Variants in SPATS2 observed in about 807,000 individuals in gnomAD.
SPATS2 encodes spermatogenesis-associated serine-rich protein 2.
In SPATS2, 38 loss-of-function variants were observed where a neutral mutation model predicts 63.7. That is an observed-to-expected ratio of 0.60 (90% CI 0.46 to 0.78). SPATS2 has a LOEUF of 0.78. SPATS2 is among the 30% of genes least tolerant of loss of function. The pLI is 0.00. For missense variants in SPATS2, 588 were observed against 666.2 expected (o/e 0.88, Z 1.29); for synonymous variants, 207 against 232.9 (o/e 0.89, Z 1.01).
intron 9 of SPATS2, among the ~76,000 whole-genome samples, chr12:49,505,433 C>G (rs1946640680): frequency 6.6e-6 from 1 of 152,064 alleles, no homozygotes; most frequent in Admixed American, 6.5e-5. Context: ...ATCTGAAATG[C>G]TTAGGACTAG....
At chr12:49,454,617 T>C (rs1389519651) in intron 2 of SPATS2, among the ~76,000 whole-genome samples, 2 of 152,214 alleles carry the variant, frequency 1.3e-5, no homozygotes, top group African/African-American at 4.8e-5. Flanking sequence ...GCGTGGTGGC[T>C]CATGCCTGTC....
intron 2 of SPATS2, among the ~76,000 whole-genome samples, chr12:49,383,076 G>A (rs1444030950): frequency 6.6e-6 from 1 of 151,872 alleles, no homozygotes; most frequent in Non-Finnish European, 1.5e-5. Flanking sequence ...GGAGTGCAGT[G>A]GCACAATTTT....
intron 3 of SPATS2, among the ~76,000 whole-genome samples, chr12:49,466,571 T>C (rs190039128): frequency 1.2e-4 from 19 of 152,332 alleles, no homozygotes; most frequent in Non-Finnish European, 2.8e-4. Context: ...CTTTCCTCCA[T>C]TGAATTGCCC....
rs941193467 is a variant in SPATS2 at position 49,367,509 on chromosome 12, C to T, written c.-385C>T. The T allele has an allele frequency of 7.5e-6, 3 of 399,164 alleles. No individual in the cohort carries two copies. The highest frequency in any genetic ancestry group is 7.1e-5 in the East Asian group (2 of 28,070). The allele number at this position is 399,164 out of a possible 1,614,324, so 24.7% of individuals were successfully genotyped here. ...GAAGGGGAGGTGGAGGATCTCCTTT[C>T]CTCTTCTCAGACCCGGGAGCGTCCG... On this transcript the variant is annotated 5_prime_UTR_variant, in exon 1 of 14. Transcript: ENST00000552918.
At chr12:49,403,375 C>A (rs1030925536) in intron 2 of SPATS2, among the ~76,000 whole-genome samples, 3 of 152,066 alleles carry the variant, frequency 2.0e-5, no homozygotes, top group Non-Finnish European at 4.4e-5. Flanking sequence ...TGCCTGTAAT[C>A]CCAGCACTTT....
intron 2 of SPATS2, among the ~76,000 whole-genome samples, chr12:49,454,880 T>TA (rs34249831): frequency 0.062 from 8,004 of 129,648 alleles, 434 homozygotes; most frequent in African/African-American, 0.15. Context: ...GCTCTGTCTT[T>TA]AAAAAAAAAA....
intron 13 of SPATS2, among the ~76,000 whole-genome samples, 162 bp downstream of exon 13, chr12:49,525,058 T>TA (rs1473622234): frequency 6.6e-6 from 1 of 152,230 alleles, no homozygotes; most frequent in Non-Finnish European, 1.5e-5. Context: ...ATTAGATACG[T>TA]ATGTTCCAAA....
In SPATS2 at chr12:49,369,030, C is replaced by CTTT. The variant is rs35158946; in HGVS notation, c.-307+1464_-307+1466dup. On this transcript the variant is annotated intron_variant, in intron 1 of 13. Coordinates refer to ENST00000552918, the MANE Select transcript of SPATS2 (RefSeq NM_023071.4). ...TGTTCTCATTAGTGACAATGTGCCT[C>CTTT]TTTTTTTTTTTTTTTTTTTTTTTGA... Among the ~76,000 whole-genome samples, 433 of 102,594 alleles carry CTTT rather than the reference C, an allele frequency of 4.2e-3. 1 individual carries two copies. The highest frequency in any genetic ancestry group is 8.3e-3 in the African/African-American group (188 of 22,682). The allele number at this position is 102,594 out of a possible 152,430, so 67.3% of individuals were successfully genotyped here.
chr12:49,425,125 T>C (rs1440256572), intron 2 of SPATS2, among the ~76,000 whole-genome samples: 1 of 152,168 alleles, frequency 6.6e-6, no homozygotes, highest in Non-Finnish European at 1.5e-5. Context: ...CTATTTACGG[T>C]TTTTTTAAGC....
rs35910147 is a variant in SPATS2 at position 49,387,638 on chromosome 12, CAAA to C, written c.-244+16367_-244+16369del. 1.1e-4 allele frequency among the ~76,000 whole-genome samples: 7 copies of C among 66,194 alleles called. No individual in the cohort carries two copies. The East Asian group carries it at 1.8e-3, about 17-fold the overall frequency. 43.4% of individuals were successfully genotyped at this position (66,194 alleles called of 152,430 possible). On this transcript the variant is annotated intron_variant, in intron 2 of 13. Coordinates refer to ENST00000552918, the MANE Select transcript of SPATS2 (RefSeq NM_023071.4). Reference sequence around the variant, plus strand: ...TGGGCAACAGAACTAGACTCTGTCTCAAAAAAAAAAAAAAAAAAAAAGAATGTG... The same window carrying C: ...TGGGCAACAGAACTAGACTCTGTCTCAAAAAAAAAAAAAAAAAAGAATGTG...
intron 8 of SPATS2, among the ~76,000 whole-genome samples, chr12:49,499,191 T>C (rs779610081): frequency 2.6e-5 from 4 of 152,222 alleles, no homozygotes; most frequent in East Asian, 1.9e-4. Context: ...CTCTTACTTA[T>C]AGGTCATATT....
At chr12:49,416,543 A>G (rs1292590747) in intron 2 of SPATS2, among the ~76,000 whole-genome samples, 3 of 152,022 alleles carry the variant, frequency 2.0e-5, no homozygotes, top group Non-Finnish European at 4.4e-5. Context: ...GCTGGAGTGC[A>G]GTGGCTTGAT....
rs375011096 is a variant in SPATS2 at position 49,447,288 on chromosome 12, G to C, written c.-243-13482G>C. On this transcript the variant is annotated intron_variant, in intron 2 of 13. Coordinates refer to ENST00000552918, the MANE Select transcript of SPATS2 (RefSeq NM_023071.4). The stretch of plus-strand genomic sequence containing the variant: ...AGAGTCTCGCTTTGTCCCCAGGTTG[G>C]AGTGCAGTGGTGCAATCTCGGCTCA... Among the ~76,000 whole-genome samples, 71 of 150,590 alleles carry C rather than the reference G, an allele frequency of 4.7e-4. No individual in the cohort carries two copies. In the South Asian group the frequency reaches 0.012, roughly 26 times the overall value.
chr12:49,493,028 G>T (rs1051601852), intron 6 of SPATS2, among the ~76,000 whole-genome samples: 17 of 151,690 alleles, frequency 1.1e-4, no homozygotes, highest in Non-Finnish European at 1.8e-4. Context: ...AACCTGGGAG[G>T]TGGAGGTTGC....
chr12:49,525,979 T>C lies in SPATS2; in HGVS notation c.1362T>C (p.Tyr454=), dbSNP rs1947026428. 6.2e-7 allele frequency: 1 copy of C among 1,614,130 alleles called. No individual in the cohort carries two copies. The highest frequency in any genetic ancestry group is 8.5e-7 in the Non-Finnish European group (1 of 1,180,050). ...GGAACAGACGAGGAGGACAGGGCTA[T>C]AGGCCACAAGGCCAAAAGTCCAATG... is the stretch of plus-strand genomic sequence containing the variant. The part of the protein sequence containing the change: ...LPGNRRGGQG[Y]RPQGQKSNDP... Residue 454 remains tyrosine, a synonymous_variant, in exon 14 of 14, where the codon TAT becomes TAC. Coordinates refer to ENST00000552918, the MANE Select transcript of SPATS2 (RefSeq NM_023071.4).
At chr12:49,381,716 A>G (rs1944226110) in intron 2 of SPATS2, among the ~76,000 whole-genome samples, 1 of 152,156 alleles carries the variant, frequency 6.6e-6, no homozygotes, top group Non-Finnish European at 1.5e-5. Flanking sequence ...TTTTATATTT[A>G]ATAGTATGTG....
rs1405825035 is a variant in SPATS2 at position 49,500,154 on chromosome 12, T to C, written c.788T>C (p.Met263Thr). 7.4e-6 allele frequency: 12 copies of C among 1,611,540 alleles called. No individual in the cohort carries two copies. Among genetic ancestry groups the C allele is most frequent in the Admixed American group, 1.7e-5 (1 of 59,614 alleles). ...TATCGAGTTGTAGTTAAAGAAGAGA[T>C]GGATGCCTCCATTAAGAAAATGAAA... Reference protein sequence around the residue: ...ARYRVVVKEEMDASIKKMKQA... With the variant: ...ARYRVVVKEETDASIKKMKQA... Residue 263 changes from methionine to threonine, a missense_variant, in exon 9 of 14, where the codon ATG becomes ACG. Transcript: ENST00000552918.
intron 2 of SPATS2, among the ~76,000 whole-genome samples, chr12:49,444,468 C>T (rs1379948777): frequency 6.6e-6 from 1 of 152,152 alleles, no homozygotes; most frequent in African/African-American, 2.4e-5. Context: ...GTCCTCTTGC[C>T]TCAGCCTCCC....
At chr12:49,420,837 C>G (rs546072442) in intron 2 of SPATS2, among the ~76,000 whole-genome samples, 1 of 152,106 alleles carries the variant, frequency 6.6e-6, no homozygotes, top group African/African-American at 2.4e-5. Context: ...AACTCTGTCT[C>G]TACAAAGAAA....
Sources: gnomAD v4.1 joint callset for allele counts (sites outside exome capture counted in the v4.1 genomes callset) on GRCh38, gnomAD v4.1.1 for gene constraint, MANE v1.5 for transcripts, NCBI Gene and HGNC (gene_info 2026-07-23, HGNC 2026-07-21) for gene names.